The following GAS6 variants were observed in gnomAD, a reference collection of about 807,000 sequenced individuals.
The protein encoded by GAS6 is growth arrest-specific protein 6.
GAS6 carries 41 observed loss-of-function variants against 75.8 expected under a neutral mutation model. The observed-to-expected ratio is 0.54, with a 90% confidence interval of 0.42 to 0.70. GAS6 has a LOEUF of 0.70. GAS6 is among the 30% of genes least tolerant of loss of function. The pLI is 0.00. For synonymous variants in GAS6, 432 were observed against 412.6 expected (o/e 1.05, Z -0.57); for missense variants, 854 against 940.2 (o/e 0.91, Z 1.20).
rs926891476 is a variant in GAS6 at position 113,848,186 on chromosome 13, G to A, written c.256-136C>T. The A allele has an allele frequency of 1.2e-5, 10 of 851,000 alleles. No homozygotes were observed. Among genetic ancestry groups the A allele is most frequent in the Non-Finnish European group, 1.5e-5 (8 of 526,542 alleles). 52.7% of individuals were successfully genotyped at this position (851,000 alleles called of 1,614,324 possible). A position where few individuals can be genotyped will look rare whatever the true frequency, so the allele number is the denominator to read the frequency against. Reference sequence around the variant, plus strand: ...GGCCGCCCCACCCGGGGAACTGAGGGGAAGTGACCGGGGCACGACTGCTGT... The same window carrying A: ...GGCCGCCCCACCCGGGGAACTGAGGAGAAGTGACCGGGGCACGACTGCTGT... On this transcript the variant is annotated intron_variant, in intron 2 of 14. Transcript: ENST00000327773. This position sits in a 1 kb window ranked among gnomAD's most constrained non-coding sequence, Gnocchi z 4.8.
chr13:113,840,033 C>T, intron 4 of GAS6, 183 bp from the exon 5 acceptor site: 2 of 775,688 alleles, frequency 2.6e-6, no homozygotes, highest in Non-Finnish European at 4.0e-6. Flanking sequence ...ACAGAATAGG[C>T]TGGCGGGCCC....
At chr13:113,840,377 G>C (rs991889039) in intron 4 of GAS6, 1 of 161,536 alleles carries the variant, frequency 6.2e-6, no homozygotes, top group South Asian at 1.8e-4. Context: ...CCCTCTCCAC[G>C]TGTCTTGATG....
Position 113,823,533 on chromosome 13 carries a change from C to T in GAS6, c.1495G>A (p.Val499Ile), listed in dbSNP as rs1436431613. The change falls in exon 13 of 15, where the codon GTC (valine) becomes ATC (isoleucine). Residue 499 changes from valine to isoleucine, a missense_variant. Transcript: ENST00000327773. Reference sequence around the variant, plus strand: ...ACTTCCCAGGTTGATTCAGTCCCGACGTCCAGAGGGGTCCGCACTGCAATG... The same window carrying T: ...ACTTCCCAGGTTGATTCAGTCCCGATGTCCAGAGGGGTCCGCACTGCAATG... ...SLDYMRTPLDVGTESTWEVEV... is the reference protein window; with the variant it reads ...SLDYMRTPLDIGTESTWEVEV... The T allele has an allele frequency of 1.2e-5, 20 of 1,611,820 alleles. No individual in the cohort carries two copies. The highest frequency in any genetic ancestry group is 6.6e-5 in the South Asian group (6 of 90,914).
chr13:113,855,069 A>AGT (rs1311624968), intron 2 of GAS6, among the ~76,000 whole-genome samples: 1 of 152,194 alleles, frequency 6.6e-6, no homozygotes, highest in Non-Finnish European at 1.5e-5. Context: ...AAAACAAGAC[A>AGT]GTGTACTTTG....
intron 2 of GAS6, among the ~76,000 whole-genome samples, chr13:113,858,312 T>A (rs559778655): frequency 6.6e-6 from 1 of 152,222 alleles, no homozygotes; most frequent in Non-Finnish European, 1.5e-5. Flanking sequence ...ATATTATGCA[T>A]GTGTGTACAT....
At chr13:113,832,908 C>G in intron 8 of GAS6, 156 bp from the exon 9 acceptor site, 1 of 1,518,244 alleles carries the variant, frequency 6.6e-7, no homozygotes, top group Non-Finnish European at 8.8e-7. Context: ...GGCTGTCACA[C>G]CTGCCCCACT....
At chr13:113,826,843 C>T (rs996091337) in intron 12 of GAS6, among the ~76,000 whole-genome samples, 153 bp downstream of exon 12, 6 of 151,344 alleles carry the variant, frequency 4.0e-5, no homozygotes, top group Non-Finnish European at 4.4e-5. Context: ...TCTGCCCGCA[C>T]CTCCGCCCAC....
chr13:113,862,756 T>G (rs1329710804), intron 2 of GAS6, among the ~76,000 whole-genome samples: 1 of 152,180 alleles, frequency 6.6e-6, no homozygotes, highest in Non-Finnish European at 1.5e-5. Flanking sequence ...TGACATTTAT[T>G]CCACCCCAGG....
chr13:113,821,944 C>T lies in GAS6; in HGVS notation c.1882+14G>A. The stretch of plus-strand genomic sequence containing the variant: ...AGCTCTTCACCCGGGTTGAGCGGAG[C>T]AGGGAGCACCTACCTGGCAGGCCGC... On this transcript the variant is annotated intron_variant, in intron 14 of 14. Transcript: ENST00000327773. The T allele has an allele frequency of 6.6e-7, 1 of 1,517,646 alleles. No homozygotes were observed. The highest frequency in any genetic ancestry group is 8.8e-7 in the Non-Finnish European group (1 of 1,134,172). The allele number at this position is 1,517,646 out of a possible 1,614,324, so 94.0% of individuals were successfully genotyped here. A position where few individuals can be genotyped will look rare whatever the true frequency, so the allele number is the denominator to read the frequency against.
intron 2 of GAS6, among the ~76,000 whole-genome samples, chr13:113,860,230 C>T (rs965547514): frequency 1.3e-5 from 2 of 152,112 alleles, no homozygotes; most frequent in African/African-American, 2.4e-5. Flanking sequence ...CGTGCAGGTG[C>T]GGGTACAGGT....
chr13:113,851,230 G>GATGA (rs966115487), intron 2 of GAS6, among the ~76,000 whole-genome samples: 1 of 151,844 alleles, frequency 6.6e-6, no homozygotes, highest in Non-Finnish European at 1.5e-5. Flanking sequence ...TGGATGGATG[G>GATGA]ATGAATGAAT....
At chr13:113,858,260 G>C (rs975441424) in intron 2 of GAS6, among the ~76,000 whole-genome samples, 3 of 152,248 alleles carry the variant, frequency 2.0e-5, no homozygotes, top group African/African-American at 7.2e-5. Flanking sequence ...GTGCCTGTGT[G>C]TGTATATGTG....
chr13:113,838,370 G>A (rs2051739247), intron 5 of GAS6, 179 bp from the exon 6 acceptor site: 1 of 698,622 alleles, frequency 1.4e-6, no homozygotes, highest in African/African-American at 1.9e-5. Flanking sequence ...CTGGAGCAGG[G>A]AGGGAGACCA....
At chr13:113,834,727 C>G (rs1171605358) in intron 7 of GAS6, 55 bp from the exon 8 acceptor site, 9 of 1,380,070 alleles carry the variant, frequency 6.5e-6, no homozygotes, top group Non-Finnish European at 8.5e-6. Flanking sequence ...GCTGTCCCGC[C>G]GTGGGATCAC....
chr13:113,821,331 G>A lies in GAS6; in HGVS notation c.1883-313C>T, dbSNP rs187859900. 273 of 392,226 alleles carry A rather than the reference G, an allele frequency of 7.0e-4. 2 individuals are homozygous for A. The highest frequency in any genetic ancestry group is 4.8e-3 in the African/African-American group (241 of 50,312). The allele number at this position is 392,226 out of a possible 1,614,324, so 24.3% of individuals were successfully genotyped here. A position where few individuals can be genotyped will look rare whatever the true frequency, so the allele number is the denominator to read the frequency against. ...ATTCAGGCTGCAGGCCTCCTGGCTC[G>A]CTCTCATCCTCTTCAAAGCTCTGTT... On this transcript the variant is annotated intron_variant, in intron 14 of 14. Coordinates refer to ENST00000327773, the MANE Select transcript of GAS6 (RefSeq NM_000820.4).
chr13:113,823,220 G>T, intron 13 of GAS6, 155 bp downstream of exon 13: 1 of 790,594 alleles, frequency 1.3e-6, no homozygotes, highest in Non-Finnish European at 1.9e-6. Context: ...CCGAAGCGTG[G>T]CCCACGCCGG....
intron 3 of GAS6, chr13:113,846,957 G>A (rs58573932): frequency 0.012 from 5,938 of 484,714 alleles, 316 homozygotes; most frequent in African/African-American, 0.11. Flanking sequence ...GGGAAACGCT[G>A]TGCTTAACTG....
At chr13:113,833,386 C>T (rs2051654090) in intron 8 of GAS6, 1 of 994,052 alleles carries the variant, frequency 1.0e-6, no homozygotes, top group Non-Finnish European at 1.2e-6. Context: ...GACCCAAGAG[C>T]CCCACGGCTG....
At chr13:113,862,244 G>A (rs1218819145) in intron 2 of GAS6, among the ~76,000 whole-genome samples, 1 of 152,228 alleles carries the variant, frequency 6.6e-6, no homozygotes, top group Non-Finnish European at 1.5e-5. Context: ...TTGCAGGGCT[G>A]CGCGGAGCGG....
Sources: gnomAD v4.1 joint callset for allele counts (sites outside exome capture counted in the v4.1 genomes callset) on GRCh38, gnomAD v4.1.1 for gene constraint, Gnocchi (gnomAD v3.1) non-coding constraint, MANE v1.5 for transcripts, NCBI Gene and HGNC (gene_info 2026-07-23, HGNC 2026-07-21) for gene names.